ALKBH8: variants seen among roughly 807,000 people sequenced by gnomAD.
ALKBH8 encodes tRNA (carboxymethyluridine(34)-5-O)-methyltransferase ALKBH8.
A neutral mutation model predicts 59.8 loss-of-function variants in ALKBH8; 36 were observed. The observed-to-expected ratio is 0.60, with a 90% CI of 0.46 to 0.79. The LOEUF (loss-of-function observed/expected upper bound fraction) is 0.79, where lower values mean the gene tolerates loss of function less well. Ranked by LOEUF, ALKBH8 falls within the 30% of genes least tolerant of loss-of-function variation. The pLI, the probability that ALKBH8 is intolerant of heterozygous loss-of-function variation, is 0.00. For missense variants in ALKBH8, 768 were observed against 801.0 expected, an observed-to-expected ratio of 0.96 and a Z score of 0.50; for synonymous variants, 276 against 273.6, an observed-to-expected ratio of 1.01 and a Z score of -0.09.
At position 107,515,327 on chromosome 11, in the gene ALKBH8, A is replaced by G. The variant is rs181310988; in HGVS notation, c.1288-4291T>C. On this transcript the variant is annotated intron_variant, in intron 10 of 11. Transcript: ENST00000428149. ...ATTTCTGTGTGCTGGGTGAAGATCAATGACATTAAAACATATACTGGGCTT... is the reference window on the plus strand; with the variant it reads ...ATTTCTGTGTGCTGGGTGAAGATCAGTGACATTAAAACATATACTGGGCTT... Among the ~76,000 whole-genome samples the G allele has an allele frequency of 3.9e-3, 596 of 152,298 alleles. 3 individuals are homozygous for G. The highest frequency in any genetic ancestry group is 0.013 in the African/African-American group (553 of 41,564).
chr11:107,530,952 G>T (rs1863569328), intron 8 of ALKBH8, among the ~76,000 whole-genome samples: 1 of 152,038 alleles, frequency 6.6e-6, no homozygotes, highest in African/African-American at 2.4e-5. Context: ...ATTTGCTGTA[G>T]TAATACTATT....
At chr11:107,559,335 G>C (rs1307976955) in intron 2 of ALKBH8, among the ~76,000 whole-genome samples, 1 of 152,122 alleles carries the variant, frequency 6.6e-6, no homozygotes, top group Non-Finnish European at 1.5e-5. Flanking sequence ...AATATAATTA[G>C]AGGTCCATCT....
At chr11:107,557,113 A>T in intron 2 of ALKBH8, 110 bp from the exon 3 acceptor site, 4 of 832,284 alleles carry the variant, frequency 4.8e-6, no homozygotes, top group Non-Finnish European at 6.9e-6. Context: ...AGAAAAAAAA[A>T]GCATTTCCTT....
intron 3 of ALKBH8, among the ~76,000 whole-genome samples, chr11:107,554,270 A>G (rs1168023276): frequency 1.3e-5 from 2 of 152,222 alleles, no homozygotes; most frequent in Non-Finnish European, 2.9e-5. Context: ...TTCTCATAAT[A>G]TCCACAGTAT....
At chr11:107,522,738 CAAGGCTGCAGTGAGCT>C (rs1863172000) in intron 9 of ALKBH8, among the ~76,000 whole-genome samples, 183 bp from the exon 10 acceptor site, 1 of 151,838 alleles carries the variant, frequency 6.6e-6, no homozygotes, top group Admixed American at 6.6e-5. Flanking sequence ...TCTGGGGGGC[CAAGGCTGCAGTGAGCT>C]ATGATCGTGC....
chr11:107,517,651 A>C (rs1862922066), intron 10 of ALKBH8, among the ~76,000 whole-genome samples: 1 of 152,222 alleles, frequency 6.6e-6, no homozygotes, highest in Non-Finnish European at 1.5e-5. Context: ...TAAGTGAAAT[A>C]AGCCAGACAC....
At chr11:107,539,798 C>A (rs1863965610) in intron 7 of ALKBH8, among the ~76,000 whole-genome samples, 1 of 152,170 alleles carries the variant, frequency 6.6e-6, no homozygotes, top group South Asian at 2.1e-4. Context: ...TCTTATGAAG[C>A]TCGAAGGAAA....
At chr11:107,526,547 A>C (rs1428235891) in intron 8 of ALKBH8, among the ~76,000 whole-genome samples, 1 of 151,932 alleles carries the variant, frequency 6.6e-6, no homozygotes, top group Non-Finnish European at 1.5e-5. Context: ...TCGTTTTCTC[A>C]ATGGTATCTT....
chr11:107,534,411 T>C (rs1428963501), intron 7 of ALKBH8, among the ~76,000 whole-genome samples: 1 of 152,208 alleles, frequency 6.6e-6, no homozygotes, highest in East Asian at 1.9e-4. Flanking sequence ...TTATTAATCG[T>C]TTGGTGAGAT....
chr11:107,561,519 A>T (rs1442516736), intron 1 of ALKBH8, among the ~76,000 whole-genome samples: 2 of 152,186 alleles, frequency 1.3e-5, no homozygotes, highest in Non-Finnish European at 2.9e-5. Context: ...TGGTAGGTGT[A>T]GGTGTTTGTT....
chr11:107,538,911 T>A (rs1214843522), intron 7 of ALKBH8, among the ~76,000 whole-genome samples: 1 of 152,188 alleles, frequency 6.6e-6, no homozygotes, highest in African/African-American at 2.4e-5. Flanking sequence ...AAAAACGATG[T>A]GTGATTCATA....
chr11:107,548,720 T>C (rs1259993821), intron 7 of ALKBH8, among the ~76,000 whole-genome samples: 1 of 152,178 alleles, frequency 6.6e-6, no homozygotes, highest in Non-Finnish European at 1.5e-5. Context: ...TGATGGAAAC[T>C]ATACAAATAC....
rs1862559567 is a variant in ALKBH8, at chr11:107,510,098, G to C, written c.1437+789C>G. On this transcript the variant is annotated intron_variant, in intron 11 of 11. Transcript: ENST00000428149. ...TAATATTGTTTGCTGCAGCCCAGCA[G>C]AATCTCTTGGTTACTATTAAAAGTA... is the stretch of plus-strand genomic sequence containing the variant. Among the ~76,000 whole-genome samples, 6 of 152,248 alleles carry C rather than the reference G, an allele frequency of 3.9e-5. No homozygotes were observed. The South Asian group carries it at 1.2e-3, about 32-fold the overall frequency.
chr11:107,547,641 A>G (rs1864319554), intron 7 of ALKBH8, among the ~76,000 whole-genome samples: 1 of 148,596 alleles, frequency 6.7e-6, no homozygotes, highest in Admixed American at 6.8e-5. Flanking sequence ...TGAAACAAAC[A>G]TTATAAACTT....
In ALKBH8 at chr11:107,532,188, C is replaced by G. The variant is rs571793277; in HGVS notation, c.878+112G>C. On this transcript the variant is annotated intron_variant, in intron 8 of 11. Coordinates refer to ENST00000428149, the MANE Select transcript of ALKBH8 (RefSeq NM_138775.3). ...AACTAGATAGATGCCCCTAGGAGTTCTGAACCCAGAAGCCTCAATCTGCAG... is the reference window on the plus strand; with the variant it reads ...AACTAGATAGATGCCCCTAGGAGTTGTGAACCCAGAAGCCTCAATCTGCAG... 276 of 790,212 alleles carry G rather than the reference C, an allele frequency of 3.5e-4. 2 individuals are homozygous for G. In the African/African-American group the frequency reaches 4.4e-3, roughly 13 times the overall value. The allele number at this position is 790,212 out of a possible 1,614,324, so 49.0% of individuals were successfully genotyped here. A position where few individuals can be genotyped will look rare whatever the true frequency, so the allele number is the denominator to read the frequency against.
In ALKBH8 at chr11:107,516,993, C is replaced by T. The variant is rs899096425; in HGVS notation, c.1287+5306G>A. Among the ~76,000 whole-genome samples, 5 of 152,144 alleles carry T rather than the reference C, an allele frequency of 3.3e-5. No individual in the cohort carries two copies. The East Asian group carries it at 9.6e-4, about 29-fold the overall frequency. On this transcript the variant is annotated intron_variant, in intron 10 of 11. Coordinates refer to ENST00000428149, the MANE Select transcript of ALKBH8 (RefSeq NM_138775.3). ...AAGCTGTAATCATACCACTGCACTC[C>T]AGCCTGGGCAACAGAGCAAGACCTT...
At chr11:107,510,854 C>T (rs1385016782) in intron 11 of ALKBH8, 33 bp downstream of exon 11, 3 of 1,544,906 alleles carry the variant, frequency 1.9e-6, no homozygotes, top group African/African-American at 2.8e-5. Flanking sequence ...GCTTTAGCTA[C>T]AAGTTCTTAA....
chr11:107,542,760 A>T (rs970387837), intron 7 of ALKBH8, among the ~76,000 whole-genome samples: 1 of 152,080 alleles, frequency 6.6e-6, no homozygotes, highest in African/African-American at 2.4e-5. Flanking sequence ...AAATACAAAA[A>T]TTAGCTGGGC....
chr11:107,508,461 C>A (rs1365757955), intron 11 of ALKBH8, among the ~76,000 whole-genome samples: 1 of 152,196 alleles, frequency 6.6e-6, no homozygotes, highest in Non-Finnish European at 1.5e-5. Flanking sequence ...GCGTGAGCCA[C>A]GACAGCTGGC....
Sources: allele counts gnomAD v4.1 joint callset (sites outside exome capture counted in the v4.1 genomes callset), GRCh38; gene constraint gnomAD v4.1.1; transcripts MANE v1.5; gene names NCBI Gene and HGNC (gene_info 2026-07-23, HGNC 2026-07-21).